SAC3D1: variants seen among roughly 807,000 people sequenced by gnomAD.
SAC3D1 encodes the protein SAC3 domain containing 1.
In SAC3D1, 10 loss-of-function variants were observed where a neutral mutation model predicts 12.7. That is an observed-to-expected ratio of 0.79 (90% CI 0.49 to 1.34). SAC3D1 has a LOEUF of 1.34. Ranked by LOEUF, SAC3D1 falls within the 40% of genes most tolerant of loss-of-function variation. SAC3D1 has a pLI of 0.00. For synonymous variants in SAC3D1, 241 were observed against 250.8 expected (o/e 0.96, Z 0.37); for missense variants, 482 against 531.1 (o/e 0.91, Z 0.91).
Position 65,041,248 on chromosome 11 carries a change from C to A in SAC3D1, c.-45C>A, listed in dbSNP as rs749527820. 4.5e-5 allele frequency: 66 copies of A among 1,478,262 alleles called. No homozygotes were observed. The highest frequency in any genetic ancestry group is 4.7e-4 in the Middle Eastern group (2 of 4,274). 91.6% of individuals were successfully genotyped at this position (1,478,262 alleles called of 1,614,324 possible). Reference sequence around the variant, plus strand: ...CTCGCGTGCCTTCCCGCAGCACTGCCGTCCCCGGGATGCTGAGCGCCCACC... The same window carrying A: ...CTCGCGTGCCTTCCCGCAGCACTGCAGTCCCCGGGATGCTGAGCGCCCACC... On this transcript the variant is annotated 5_prime_UTR_variant, in exon 1 of 2. Coordinates refer to ENST00000652489, the MANE Select transcript of SAC3D1 (RefSeq NM_013299.4).
At chr11:65,042,838 G>A (rs562876566) in intron 1 of SAC3D1, among the ~76,000 whole-genome samples, 2 of 150,990 alleles carry the variant, frequency 1.3e-5, no homozygotes, top group African/African-American at 2.4e-5. Context: ...CACTGCACCC[G>A]GCCTGTTTGT....
chr11:65,044,575 T>G lies in SAC3D1; in HGVS notation c.925T>G (p.Phe309Val). The G allele has an allele frequency of 6.2e-7, 1 of 1,614,090 alleles. No individual in the cohort carries two copies. The highest frequency in any genetic ancestry group is 1.1e-5 in the South Asian group (1 of 91,086). Reference sequence around the variant, plus strand: ...CTTGGACGGAGAGGAGAGAGTTGTGTTCCTGAGGGGTCGCTACGTGGAGGA... The same window carrying G: ...CTTGGACGGAGAGGAGAGAGTTGTGGTCCTGAGGGGTCGCTACGTGGAGGA... Reference protein sequence around the residue: ...LPLDGEERVVFLRGRYVEEGL... With the variant: ...LPLDGEERVVVLRGRYVEEGL... Residue 309 changes from phenylalanine to valine, a missense_variant, in exon 2 of 2, where the codon TTC becomes GTC. By Grantham distance (50) the Phe-to-Val change is conservative. Transcript: ENST00000652489. The surrounding 1 kb of genome is among the most constrained non-coding windows in gnomAD (Gnocchi z 4.0).
rs777128468 is a variant in SAC3D1, at chr11:65,044,183, G to A, written c.575-42G>A. 3.8e-6 allele frequency: 6 copies of A among 1,594,310 alleles called. No homozygotes were observed. The highest frequency in any genetic ancestry group is 1.1e-5 in the South Asian group (1 of 88,252). ...TGGGAGGGGAGATGAGCCTGATCCTGTAAGGACCAGGCGTCCTCATTCTGG... is the reference window on the plus strand; with the variant it reads ...TGGGAGGGGAGATGAGCCTGATCCTATAAGGACCAGGCGTCCTCATTCTGG... On this transcript the variant is annotated intron_variant, in intron 1 of 1. Transcript: ENST00000652489. This position sits in a 1 kb window ranked among gnomAD's most constrained non-coding sequence, Gnocchi z 4.0.
chr11:65,041,087 G>A (rs994405695), upstream of SAC3D1: 12 of 605,290 alleles, frequency 2.0e-5, no homozygotes, highest in Middle Eastern at 4.1e-4. Context: ...CATCTCGGGA[G>A]GCCAACTCGA....
At position 65,044,355 on chromosome 11, in the gene SAC3D1, C is replaced by T. The variant is rs775146951; in HGVS notation, c.705C>T (p.Leu235=). 47 of 1,613,362 alleles carry T rather than the reference C, an allele frequency of 2.9e-5. No individual in the cohort carries two copies. The highest frequency in any genetic ancestry group is 2.5e-5 in the Non-Finnish European group (30 of 1,180,028). Residue 235 remains leucine, a synonymous_variant, in exon 2 of 2, where the codon CTC becomes CTT. Coordinates refer to ENST00000652489, the MANE Select transcript of SAC3D1 (RefSeq NM_013299.4). This position sits in a 1 kb window ranked among gnomAD's most constrained non-coding sequence, Gnocchi z 4.0. ...ATGCTGCCCGCCTGTTCCGTCTGCT[C>T]CAGACCCTGCCCTACCTGCCAAGTT... ...EGNAARLFRL[L]QTLPYLPSCA...
At chr11:65,043,643 A>AAAAAG (rs1946653914) in intron 1 of SAC3D1, among the ~76,000 whole-genome samples, 2 of 143,266 alleles carry the variant, frequency 1.4e-5, no homozygotes, top group Non-Finnish European at 3.0e-5. Context: ...AAAAAAAAAA[A>AAAAAG]GGCCCTGCCC....
chr11:65,041,520 G>GGA lies in SAC3D1; in HGVS notation c.229_230insAG (p.Ala77GlufsTer59), dbSNP rs777500967. Reference sequence around the variant, plus strand: ...AGTTGCGTCCGCCCTCCGTGCTGCTGGCCACCGTGCGCTACCTGGCCGGTG... The same window carrying GGA: ...AGTTGCGTCCGCCCTCCGTGCTGCTGGAGCCACCGTGCGCTACCTGGCCGGTG... On this transcript the variant is annotated frameshift_variant, in exon 1 of 2. Transcript: ENST00000652489. LOFTEE classifies it high-confidence loss of function. 4 of 1,466,420 alleles carry GGA rather than the reference G, an allele frequency of 2.7e-6. No homozygotes were observed. The highest frequency in any genetic ancestry group is 2.4e-5 in the Admixed American group (1 of 40,998). 90.8% of individuals were successfully genotyped at this position (1,466,420 alleles called of 1,614,324 possible).
In SAC3D1 at chr11:65,041,602, C is replaced by A; in HGVS notation, c.310C>A (p.Arg104Ser). The A allele has an allele frequency of 2.7e-6, 4 of 1,471,610 alleles. No individual in the cohort carries two copies. The highest frequency in any genetic ancestry group is 2.7e-6 in the Non-Finnish European group (3 of 1,116,636). The allele number at this position is 1,471,610 out of a possible 1,614,324, so 91.2% of individuals were successfully genotyped here. ...CGAGGTGGCCAGCTTCGTGGCAGAC[C>A]GCTTGCGAGCTGTGCTCCTGGACCT... ...RAEVASFVAD[R>S]LRAVLLDLAL... The change falls in exon 1 of 2, where the codon CGC (arginine) becomes AGC (serine). Residue 104 changes from arginine to serine, a missense_variant. Arg to Ser is a moderately radical substitution (Grantham distance 110, BLOSUM62 -1). Coordinates refer to ENST00000652489, the MANE Select transcript of SAC3D1 (RefSeq NM_013299.4).
Position 65,044,628 on chromosome 11 carries a change from G to A in SAC3D1, c.978G>A (p.Lys326=), listed in dbSNP as rs371430371. The A allele has an allele frequency of 3.7e-6, 6 of 1,613,854 alleles. No individual in the cohort carries two copies. In the African/African-American group the frequency reaches 8.0e-5, roughly 22 times the overall value. Residue 326 remains lysine, a synonymous_variant, in exon 2 of 2, where the codon AAG becomes AAA. Transcript: ENST00000652489. The surrounding 1 kb of genome is among the most constrained non-coding windows in gnomAD (Gnocchi z 4.0). ...GGCTACCGCCTGCCAGTACGTGCAA[G>A]GTGTTAGTGGAGAGCAAACTTCGAG... is the stretch of plus-strand genomic sequence containing the variant. The part of the protein sequence containing the change: ...EEGLPPASTC[K]VLVESKLRGR...
intron 1 of SAC3D1, among the ~76,000 whole-genome samples, chr11:65,043,753 T>G (rs1202134244): frequency 6.6e-6 from 1 of 151,680 alleles, no homozygotes; most frequent in Non-Finnish European, 1.5e-5. Context: ...CTGAGACTCT[T>G]CCAGAAGGGA....
chr11:65,041,937 AGG>A, intron 1 of SAC3D1, 71 bp downstream of exon 1: 1 of 1,293,672 alleles, frequency 7.7e-7, no homozygotes, highest in Non-Finnish European at 9.8e-7. Context: ...AGGTAGGGAA[AGG>A]AAGGATTAGC....
chr11:65,043,313 A>G (rs982533332), intron 1 of SAC3D1: 6 of 204,596 alleles, frequency 2.9e-5, no homozygotes, highest in African/African-American at 7.2e-5. Flanking sequence ...TTATATAGGG[A>G]TTGGAGTCTT....
chr11:65,044,374 C>T lies in SAC3D1; in HGVS notation c.724C>T (p.Pro242Ser). 6.2e-7 allele frequency: 1 copy of T among 1,613,582 alleles called. No homozygotes were observed. The highest frequency in any genetic ancestry group is 1.1e-5 in the South Asian group (1 of 91,086). Residue 242 changes from proline to serine, a missense_variant, in exon 2 of 2, where the codon CCA (proline) becomes TCA (serine). Physicochemically the swap from Pro to Ser is moderately conservative, Grantham distance 74 (BLOSUM62 -1). This residue lies in a region of SAC3D1 where 225 missense variants were observed against 241.1 expected (regional missense o/e 0.93). Transcript: ENST00000652489. The surrounding 1 kb of genome is among the most constrained non-coding windows in gnomAD (Gnocchi z 4.0). ...TCTGCTCCAGACCCTGCCCTACCTG[C>T]CAAGTTGCGCTGTGCAGTGCCATGT... ...FRLLQTLPYL[P>S]SCAVQCHVGH...
chr11:65,043,180 C>G (rs2136954957), intron 1 of SAC3D1: 1 of 333,604 alleles, frequency 3.0e-6, no homozygotes, highest in Non-Finnish European at 6.1e-6. Context: ...TATCCCTGGT[C>G]TAGTGGGGGA....
chr11:65,041,569 G>A lies in SAC3D1; in HGVS notation c.277G>A (p.Ala93Thr). 1 of 1,479,082 alleles carries A rather than the reference G, an allele frequency of 6.8e-7. No individual in the cohort carries two copies. The allele number at this position is 1,479,082 out of a possible 1,614,324, so 91.6% of individuals were successfully genotyped here. A position where few individuals can be genotyped will look rare whatever the true frequency, so the allele number is the denominator to read the frequency against. ...TGAGGTGGCGGAGAGCGCCGACATC[G>A]CCCGCGCCGAGGTGGCCAGCTTCGT... Reference protein sequence around the residue: ...AGEVAESADIARAEVASFVAD... With the variant: ...AGEVAESADITRAEVASFVAD... The change falls in exon 1 of 2, where the codon GCC becomes ACC. Residue 93 changes from alanine (A) to threonine (T), a missense_variant. Ala to Thr is a moderately conservative substitution (Grantham distance 58). Transcript: ENST00000652489.
In SAC3D1 at chr11:65,041,465, C is replaced by G. The variant is rs900189135; in HGVS notation, c.173C>G (p.Ala58Gly). The G allele has an allele frequency of 1.3e-6, 2 of 1,482,270 alleles. No homozygotes were observed. The highest frequency in any genetic ancestry group is 2.9e-5 in the African/African-American group (2 of 68,382). 91.8% of individuals were successfully genotyped at this position (1,482,270 alleles called of 1,614,324 possible). The change falls in exon 1 of 2, where the codon GCC becomes GGC. Residue 58 changes from alanine to glycine, a missense_variant. This residue lies in a region of SAC3D1 where 197 missense variants were observed against 183.2 expected (regional missense o/e 1.08). Coordinates refer to ENST00000652489, the MANE Select transcript of SAC3D1 (RefSeq NM_013299.4). The stretch of plus-strand genomic sequence containing the variant: ...GCGGTGAAGGAGTACAGCCGACCCG[C>G]CGCCGGCAAGCCCCGGCCCCCGCCC... The part of the protein sequence containing the change: ...QRAVKEYSRP[A>G]AGKPRPPPSQ...
chr11:65,042,842 T>C (rs1946633643), intron 1 of SAC3D1, among the ~76,000 whole-genome samples: 4 of 151,764 alleles, frequency 2.6e-5, no homozygotes. Context: ...GCACCCGGCC[T>C]GTTTGTGTTT....
rs1302111938 is a variant in SAC3D1 at position 65,041,475 on chromosome 11, GC to G, written c.187del (p.Arg63GlyfsTer72). On this transcript the variant is annotated frameshift_variant, in exon 1 of 2. Coordinates refer to ENST00000652489, the MANE Select transcript of SAC3D1 (RefSeq NM_013299.4). LOFTEE classifies it high-confidence loss of function. ...AGTACAGCCGACCCGCCGCCGGCAAGCCCCGGCCCCCGCCCAGCCAGTTGCG... is the reference window on the plus strand; with the variant it reads ...AGTACAGCCGACCCGCCGCCGGCAAGCCCGGCCCCCGCCCAGCCAGTTGCG... ...KEYSRPAAGKPRPPPSQLRPP... is the reference protein window; with the variant it reads ...KEYSRPAAGKXRPPPSQLRPP... The G allele has an allele frequency of 2.7e-6, 4 of 1,475,636 alleles. No homozygotes were observed. The highest frequency in any genetic ancestry group is 2.3e-5 in the Admixed American group (1 of 42,624). 91.4% of individuals were successfully genotyped at this position (1,475,636 alleles called of 1,614,324 possible).
chr11:65,042,461 C>T (rs1002144533), intron 1 of SAC3D1, among the ~76,000 whole-genome samples: 19 of 151,942 alleles, frequency 1.3e-4, no homozygotes, highest in African/African-American at 4.1e-4. Context: ...CACATATGCC[C>T]ACGAATATAC....
Sources: allele counts gnomAD v4.1 joint callset (sites outside exome capture counted in the v4.1 genomes callset), GRCh38; gene constraint gnomAD v4.1.1; regional missense constraint gnomAD v4.1.1; non-coding constraint Gnocchi (gnomAD v3.1); transcripts MANE v1.5; gene names NCBI Gene and HGNC (gene_info 2026-07-23, HGNC 2026-07-21).